Variants in TMED3 observed in about 807,000 individuals in gnomAD.
TMED3 encodes transmembrane p24 trafficking protein 3, also known as transmembrane emp24 domain-containing protein 3.
TMED3 carries 9 observed loss-of-function variants against 15.0 expected under a neutral mutation model. The observed-to-expected ratio is 0.60, with a 90% CI of 0.36 to 1.04. TMED3 has a LOEUF of 1.04. TMED3 is among the 50% of genes least tolerant of loss of function. The pLI is 0.01. For missense variants in TMED3, 267 were observed against 278.9 expected, an observed-to-expected ratio of 0.96 and a Z score of 0.30; for synonymous variants, 117 against 121.4, an observed-to-expected ratio of 0.96 and a Z score of 0.24.
At chr15:79,353,075 AT>A (rs2058899508) in intron 2 of TMED3, among the ~76,000 whole-genome samples, 2 of 107,552 alleles carry the variant, frequency 1.9e-5, no homozygotes, top group African/African-American at 7.7e-5. Flanking sequence ...AAAAATATAT[AT>A]TATATATAAA....
chr15:79,386,704 A>ATTTTTTTT (rs35828266), intron 2 of TMED3, among the ~76,000 whole-genome samples: 3 of 125,182 alleles, frequency 2.4e-5, no homozygotes, highest in Non-Finnish European at 4.9e-5. Flanking sequence ...ATGCCTGGCT[A>ATTTTTTTT]TTTTTTTTTT....
At chr15:79,315,592 A>G (rs1455604094) in intron 2 of TMED3, among the ~76,000 whole-genome samples, 1 of 152,210 alleles carries the variant, frequency 6.6e-6, no homozygotes, top group East Asian at 1.9e-4. Context: ...TTAAAGAATT[A>G]GGTCAACAGA....
intron 2 of TMED3, among the ~76,000 whole-genome samples, chr15:79,398,274 A>T (rs1039367563): frequency 1.1e-4 from 17 of 152,020 alleles, no homozygotes; most frequent in Admixed American, 1.1e-3. Flanking sequence ...TCACTTAGTA[A>T]TATGCATTCA....
chr15:79,321,841 C>T (rs972947915), intron 2 of TMED3, 137 bp from the exon 3 acceptor site: 35 of 1,115,482 alleles, frequency 3.1e-5, no homozygotes, highest in Admixed American at 4.9e-5. Flanking sequence ...AATAAAACCA[C>T]GTAAAACCCT....
chr15:79,314,849 C>T (rs8036196), intron 2 of TMED3, among the ~76,000 whole-genome samples: 150,323 of 152,320 alleles, frequency 0.99, 74,211 homozygotes, highest in East Asian at 1. Context: ...CTATTTAAGC[C>T]CCTCCTTCCC....
chr15:79,404,259 T>G (rs1893872145), intron 2 of TMED3, among the ~76,000 whole-genome samples: 1 of 152,196 alleles, frequency 6.6e-6, no homozygotes, highest in Admixed American at 6.5e-5. Flanking sequence ...ATTGTAATCA[T>G]CCTGCCACCA....
At chr15:79,370,256 ATTTTTTT>A (rs398028085) in intron 2 of TMED3, among the ~76,000 whole-genome samples, 38 of 104,938 alleles carry the variant, frequency 3.6e-4, no homozygotes, top group African/African-American at 1.2e-3. Context: ...TGCCCAGCTA[ATTTTTTT>A]TTTTTTTTTT....
chr15:79,389,231 T>C (rs1893665949), intron 2 of TMED3, among the ~76,000 whole-genome samples: 1 of 152,218 alleles, frequency 6.6e-6, no homozygotes, highest in East Asian at 1.9e-4. Flanking sequence ...AGGTCTTAGA[T>C]TTAAGTCCTT....
intron 2 of TMED3, among the ~76,000 whole-genome samples, chr15:79,363,083 A>G (rs1008779478): frequency 2.0e-5 from 3 of 152,250 alleles, no homozygotes; most frequent in Non-Finnish European, 2.9e-5. Flanking sequence ...TCATTAGATG[A>G]GAAAAGTTTA....
chr15:79,399,022 T>A (rs201433419), intron 2 of TMED3, among the ~76,000 whole-genome samples: 1 of 152,336 alleles, frequency 6.6e-6, no homozygotes, highest in East Asian at 1.9e-4. Flanking sequence ...GCGATTCTCA[T>A]GCCTCAGCCT....
At chr15:79,313,313 G>A (rs1490733717) in intron 1 of TMED3, among the ~76,000 whole-genome samples, 1 of 152,138 alleles carries the variant, frequency 6.6e-6, no homozygotes, top group Non-Finnish European at 1.5e-5. Context: ...AGGAAGAGCA[G>A]TTATCCTGGG....
At chr15:79,383,965 G>A (rs1893584545) in intron 2 of TMED3, 1 of 152,156 alleles carries the variant, frequency 6.6e-6, no homozygotes, top group Non-Finnish European at 1.5e-5. Flanking sequence ...CTATTTCTGG[G>A]GCATGATTCA....
chr15:79,341,411 G>A (rs558008280), intron 2 of TMED3, among the ~76,000 whole-genome samples: 1 of 152,144 alleles, frequency 6.6e-6, no homozygotes, highest in African/African-American at 2.4e-5. Context: ...GGCCAGCAAA[G>A]GAGCCTTACC....
intron 2 of TMED3, among the ~76,000 whole-genome samples, chr15:79,373,989 C>A (rs554456623): frequency 1.6e-4 from 24 of 152,146 alleles, no homozygotes; most frequent in Admixed American, 1.5e-3. Flanking sequence ...GATGAAGCCT[C>A]CAGGCAGCAA....
At chr15:79,401,374 G>A (rs1263962234) in intron 2 of TMED3, among the ~76,000 whole-genome samples, 2 of 152,182 alleles carry the variant, frequency 1.3e-5, no homozygotes, top group Non-Finnish European at 2.9e-5. Flanking sequence ...CTTTACAGGA[G>A]TGTGAGATAG....
intron 2 of TMED3, among the ~76,000 whole-genome samples, chr15:79,314,827 T>TC (rs1242267832): frequency 9.2e-5 from 14 of 152,182 alleles, no homozygotes; most frequent in Non-Finnish European, 2.1e-4. Flanking sequence ...CCTTCGTCTG[T>TC]CTTCCCTTCT....
At chr15:79,405,408 T>C (rs952438013) in intron 2 of TMED3, among the ~76,000 whole-genome samples, 1 of 152,176 alleles carries the variant, frequency 6.6e-6, no homozygotes, top group Non-Finnish European at 1.5e-5. Context: ...CTTGGACCTA[T>C]TAGAGAATCC....
chr15:79,327,534 A>C (rs1417016309), downstream of TMED3, among the ~76,000 whole-genome samples: 1 of 152,260 alleles, frequency 6.6e-6, no homozygotes, highest in Non-Finnish European at 1.5e-5. Flanking sequence ...GTTCGAGCAC[A>C]GAGACCTGTG....
At chr15:79,407,623 C>T (rs1893918187) in intron 2 of TMED3, among the ~76,000 whole-genome samples, 1 of 152,180 alleles carries the variant, frequency 6.6e-6, no homozygotes, top group Non-Finnish European at 1.5e-5. Flanking sequence ...TGGCCCACCA[C>T]CTGTTTTTCT....
Sources: gnomAD v4.1 joint callset for allele counts (sites outside exome capture counted in the v4.1 genomes callset) on GRCh38, gnomAD v4.1.1 for gene constraint, MANE v1.5 for transcripts, NCBI Gene and HGNC (gene_info 2026-07-23, HGNC 2026-07-21) for gene names.